Variants in CENPI observed in about 807,000 individuals in gnomAD.
The protein encoded by CENPI is FSH primary response 1.
A neutral mutation model predicts 60.4 loss-of-function variants in CENPI; 4 were observed. The observed-to-expected ratio is 0.07, with a 90% CI of 0.03 to 0.15. The LOEUF is 0.15. CENPI is among the 10% of genes least tolerant of loss of function. The pLI, the probability that CENPI is intolerant of heterozygous loss-of-function variation, is 1.00. For missense variants in CENPI, 444 were observed against 534.5 expected (o/e 0.83, Z 1.67); for synonymous variants, 157 against 189.4 (o/e 0.83, Z 1.40).
chrX:101,115,552 CAG>C (rs1326719225), intron 6 of CENPI, among the ~76,000 whole-genome samples: 1 of 110,829 alleles, frequency 9.0e-6, no homozygotes, highest in Non-Finnish European at 1.9e-5. Flanking sequence ...TTTCTAGAGG[CAG>C]AGTCTCACTA....
At chrX:101,103,636 C>T (rs1444139553) in intron 4 of CENPI, among the ~76,000 whole-genome samples, 3 of 112,080 alleles carry the variant, frequency 2.7e-5, no homozygotes, top group South Asian at 3.7e-4. Flanking sequence ...CCACTGTGTC[C>T]GACCTTCCTT....
At chrX:101,114,958 A>T (rs914754148) in intron 6 of CENPI, among the ~76,000 whole-genome samples, 17 of 103,542 alleles carry the variant, frequency 1.6e-4, no homozygotes, top group Non-Finnish European at 2.0e-4. Flanking sequence ...ACATAAAAAA[A>T]TTTTTTTTTT....
intron 15 of CENPI, among the ~76,000 whole-genome samples, chrX:101,137,535 T>C (rs750559172): frequency 8.1e-5 from 9 of 111,737 alleles, no homozygotes; most frequent in Non-Finnish European, 1.7e-4. Flanking sequence ...GAAGGCCTGG[T>C]CTTCACAGTT....
chrX:101,161,289 T>C (rs1439637278), intron 20 of CENPI, among the ~76,000 whole-genome samples: 3 of 112,209 alleles, frequency 2.7e-5, no homozygotes, highest in African/African-American at 9.7e-5. Context: ...GCACCCGGCC[T>C]GTTTTACATA....
chrX:101,136,913 T>C (rs2148210691), intron 15 of CENPI, among the ~76,000 whole-genome samples: 1 of 111,736 alleles, frequency 8.9e-6, no homozygotes, highest in South Asian at 3.7e-4. Flanking sequence ...TTTATTATTA[T>C]TTCTCTCTCT....
the CENPI span, among the ~76,000 whole-genome samples, chrX:101,172,150 C>A: frequency 9.0e-6 from 1 of 111,574 alleles, no homozygotes; most frequent in Non-Finnish European, 1.9e-5. Context: ...ATAAGACAGA[C>A]AATAACTAGT....
chrX:101,179,883 A>G, the CENPI span, among the ~76,000 whole-genome samples: 5 of 111,709 alleles, frequency 4.5e-5, no homozygotes, highest in Admixed American at 3.8e-4. Flanking sequence ...TGGTAATTCT[A>G]TGTTTAAATT....
intron 13 of CENPI, among the ~76,000 whole-genome samples, chrX:101,131,281 G>A (rs996734181): frequency 8.9e-6 from 1 of 111,843 alleles, no homozygotes; most frequent in East Asian, 2.8e-4. Flanking sequence ...AAAGTGCTGA[G>A]ATTATAGGTG....
At chrX:101,100,910 T>C (rs2089407293) in intron 2 of CENPI, 148 bp from the exon 3 acceptor site, 2 of 416,570 alleles carry the variant, frequency 4.8e-6, no homozygotes, top group East Asian at 7.5e-5. Flanking sequence ...CTCTAGACTT[T>C]GTTTCCTGGA....
chrX:101,110,480 A>G (rs943619374), intron 6 of CENPI, among the ~76,000 whole-genome samples: 1 of 112,280 alleles, frequency 8.9e-6, no homozygotes, highest in Non-Finnish European at 1.9e-5. Flanking sequence ...ATTAAATAGC[A>G]TAATTATTTC....
rs748515161 is a variant in CENPI, at chrX:101,101,251, G to C, written c.181G>C (p.Ala61Pro). 1.1e-5 allele frequency: 13 copies of C among 1,208,026 alleles called. No homozygotes were observed. The highest frequency in any genetic ancestry group is 1.5e-5 in the Non-Finnish European group (13 of 893,462). The change falls in exon 3 of 22, where the codon GCT becomes CCT. Residue 61 changes from alanine to proline, a missense_variant. Coordinates refer to ENST00000682095, the MANE Select transcript of CENPI (RefSeq NM_001386188.2). The part of the protein sequence containing the change: ...VGDYEHADDQ[A>P]EEDALQMAVG... ...AGATTATGAACATGCTGATGATCAA[G>C]CTGAAGAAGATGCTTTGCAAATGGC...
intron 15 of CENPI, among the ~76,000 whole-genome samples, chrX:101,139,035 C>T (rs1340372135): frequency 8.9e-5 from 9 of 101,186 alleles, no homozygotes; most frequent in Non-Finnish European, 1.6e-4. Flanking sequence ...GTGATCCACC[C>T]GCCTCGGCCT....
Position 101,101,211 on chromosome X carries a change from A to G in CENPI, c.141A>G (p.Gln47=), listed in dbSNP as rs763815677. Residue 47 remains glutamine, a synonymous_variant, in exon 3 of 22, where the codon CAA becomes CAG. Coordinates refer to ENST00000682095, the MANE Select transcript of CENPI (RefSeq NM_001386188.2). ...CGAAGAACATCTCAAAACATGGACAAAACAATCCAGTGGGAGATTATGAAC... is the reference window on the plus strand; with the variant it reads ...CGAAGAACATCTCAAAACATGGACAGAACAATCCAGTGGGAGATTATGAAC... ...SNSKNISKHG[Q]NNPVGDYEHA... 2.4e-5 allele frequency: 29 copies of G among 1,208,887 alleles called. No individual in the cohort carries two copies. Among genetic ancestry groups the G allele is most frequent in the Middle Eastern group, 4.6e-4 (2 of 4,371 alleles).
chrX:101,171,092 AACTTCAAAGTCT>A (rs1217848492), downstream of CENPI, among the ~76,000 whole-genome samples: 10 of 112,143 alleles, frequency 8.9e-5, no homozygotes, highest in Admixed American at 1.9e-4. Context: ...CACATTTCTC[AACTTCAAAGTCT>A]ACAGCGCTAT....
At chrX:101,126,485 T>C (rs2089736870) in intron 8 of CENPI, among the ~76,000 whole-genome samples, 1 of 111,681 alleles carries the variant, frequency 9.0e-6, no homozygotes, top group African/African-American at 3.2e-5. Flanking sequence ...GAAGTAAAGT[T>C]GGAAAAGGTC....
rs73553144 is a variant in CENPI at position 101,109,673 on chromosome X, G to A, written c.483+82G>A. 434 of 711,739 alleles carry A rather than the reference G, an allele frequency of 6.1e-4. 1 individual carries two copies. The African/African-American group carries it at 8.4e-3, about 14-fold the overall frequency. 58.7% of individuals were successfully genotyped at this position (711,739 alleles called of 1,213,427 possible). A position where few individuals can be genotyped will look rare whatever the true frequency, so the allele number is the denominator to read the frequency against. On this transcript the variant is annotated intron_variant, in intron 5 of 21. Coordinates refer to ENST00000682095, the MANE Select transcript of CENPI (RefSeq NM_001386188.2). ...AGGAAGAGCCACTTATGAAGTAATG[G>A]CATTGGCCTTTTGTGCAAAGCCTGT...
chrX:101,120,815 A>G (rs2089669507), intron 8 of CENPI, 31 bp downstream of exon 8: 6 of 1,119,370 alleles, frequency 5.4e-6, no homozygotes, highest in African/African-American at 1.8e-5. Flanking sequence ...AGACCTGCCA[A>G]TGTACTATGT....
chrX:101,107,602 C>A (rs1158520862), intron 4 of CENPI, among the ~76,000 whole-genome samples: 2 of 110,343 alleles, frequency 1.8e-5, no homozygotes, highest in Non-Finnish European at 3.8e-5. Flanking sequence ...GATGATCTGC[C>A]TGCTTCGGCC....
In CENPI at chrX:101,102,263, T is replaced by C; in HGVS notation, c.227-11T>C. 1.7e-6 allele frequency: 2 copies of C among 1,145,180 alleles called. No homozygotes were observed. Among genetic ancestry groups the C allele is most frequent in the East Asian group, 3.0e-5 (1 of 33,075 alleles). The allele number at this position is 1,145,180 out of a possible 1,213,427, so 94.4% of individuals were successfully genotyped here. A position where few individuals can be genotyped will look rare whatever the true frequency, so the allele number is the denominator to read the frequency against. ...AAAGGTCTCACTATTTAATATTGTT[T>C]CTTTTTTCAGGTCCCATTAAAGCTT... On this transcript the variant is annotated splice_polypyrimidine_tract_variant and intron_variant, in intron 3 of 21. Coordinates refer to ENST00000682095, the MANE Select transcript of CENPI (RefSeq NM_001386188.2).
Sources: allele counts gnomAD v4.1 joint callset (sites outside exome capture counted in the v4.1 genomes callset), GRCh38; gene constraint gnomAD v4.1.1; transcripts MANE v1.5; gene names NCBI Gene and HGNC (gene_info 2026-07-23, HGNC 2026-07-21).